RPS6KC1: variants seen among roughly 807,000 people sequenced by gnomAD.
RPS6KC1 encodes the protein ribosomal protein S6 kinase C1.
A neutral mutation model predicts 103.8 loss-of-function variants in RPS6KC1; 54 were observed. The ratio of observed to expected loss-of-function variants is 0.52; its 90% CI spans 0.42 to 0.65. The LOEUF is 0.65. Among genes scored for constraint, RPS6KC1 ranks in the 30% least tolerant of loss-of-function variants. RPS6KC1 has a pLI of 0.00. For missense variants in RPS6KC1, 1,151 were observed against 1,253.8 expected (o/e 0.92, Z 1.24); for synonymous variants, 439 against 438.7 (o/e 1.00, Z -0.01).
chr1:213,737,364 C>T, the RPS6KC1 span, among the ~76,000 whole-genome samples: 2 of 152,162 alleles, frequency 1.3e-5, no homozygotes, highest in Non-Finnish European at 2.9e-5. Flanking sequence ...CTAGAACATA[C>T]TCACCATGAC....
At chr1:213,580,819 C>T in the RPS6KC1 span, among the ~76,000 whole-genome samples, 1 of 151,548 alleles carries the variant, frequency 6.6e-6, no homozygotes, top group African/African-American at 2.4e-5. Context: ...TTTTTTAAGA[C>T]AAAATGCTAT....
chr1:213,810,944 A>G, the RPS6KC1 span, among the ~76,000 whole-genome samples: 1 of 152,238 alleles, frequency 6.6e-6, no homozygotes, highest in Admixed American at 6.5e-5. Context: ...GTGGCATCTC[A>G]TAGGAAATGG....
chr1:213,821,315 C>T, the RPS6KC1 span: 1 of 152,288 alleles, frequency 6.6e-6, no homozygotes, highest in Non-Finnish European at 1.5e-5. Context: ...CGTGGAAGAA[C>T]ATCTAGGGTG....
the RPS6KC1 span, among the ~76,000 whole-genome samples, chr1:213,625,087 A>T: frequency 6.6e-6 from 1 of 152,042 alleles, no homozygotes; most frequent in African/African-American, 2.4e-5. Flanking sequence ...GGTTCAAGCG[A>T]TTCTCCTACC....
At chr1:213,727,153 T>A in the RPS6KC1 span, among the ~76,000 whole-genome samples, 1 of 152,190 alleles carries the variant, frequency 6.6e-6, no homozygotes, top group Admixed American at 6.5e-5. Context: ...AGAATATGAA[T>A]GAGTGGATGC....
At chr1:213,366,326 G>A in the RPS6KC1 span, among the ~76,000 whole-genome samples, 1 of 152,196 alleles carries the variant, frequency 6.6e-6, no homozygotes. Context: ...ACTGTAAACT[G>A]TAAACCACCA....
chr1:213,249,967 A>G (rs1339182237), intron 12 of RPS6KC1, among the ~76,000 whole-genome samples: 1 of 152,194 alleles, frequency 6.6e-6, no homozygotes, highest in Admixed American at 6.5e-5. Context: ...TCACCACGAC[A>G]ACAAGAAATT....
the RPS6KC1 span, chr1:213,839,622 T>A: frequency 6.6e-6 from 1 of 152,312 alleles, no homozygotes. Context: ...TCATTCCTCC[T>A]GCAGGGTCAG....
the RPS6KC1 span, chr1:213,837,331 A>G: frequency 3.3e-5 from 5 of 152,266 alleles, no homozygotes; most frequent in African/African-American, 1.2e-4. Flanking sequence ...TGTTCTCTCT[A>G]TAAAAATTTA....
the RPS6KC1 span, among the ~76,000 whole-genome samples, chr1:213,813,230 A>G: frequency 2.6e-5 from 4 of 152,112 alleles, no homozygotes; most frequent in South Asian, 6.3e-4. Context: ...TAGCCTGGGC[A>G]AAAGAGCGAG....
At chr1:213,739,871 A>T in the RPS6KC1 span, among the ~76,000 whole-genome samples, 7 of 152,198 alleles carry the variant, frequency 4.6e-5, no homozygotes, top group Non-Finnish European at 7.3e-5. Context: ...GTTTCTTAAG[A>T]ATATATTCTA....
At position 213,167,916 on chromosome 1, in the gene RPS6KC1, GC is replaced by G. The variant is rs773204726; in HGVS notation, c.895del (p.Arg299GlyfsTer24). ...AGAGAAGAACAGCCGAGTACCTCAT[GC>G]GGGCAGAAAGTATCTCTAGTCTTTA... ...VKRRTAEYLM[R>X]AESISSLYGK... On this transcript the variant is annotated frameshift_variant, in exon 7 of 15. Coordinates refer to ENST00000366960, the MANE Select transcript of RPS6KC1 (RefSeq NM_012424.6). LOFTEE classifies it high-confidence loss of function. 8 of 1,613,844 alleles carry G rather than the reference GC, an allele frequency of 5.0e-6. No individual in the cohort carries two copies. The Admixed American group carries it at 1.2e-4, about 24-fold the overall frequency.
the RPS6KC1 span, among the ~76,000 whole-genome samples, chr1:213,538,000 C>G: frequency 6.6e-6 from 1 of 152,098 alleles, no homozygotes; most frequent in Non-Finnish European, 1.5e-5. Flanking sequence ...GGGGTGGATC[C>G]ATCTGAAGCA....
At chr1:213,783,332 C>T in the RPS6KC1 span, among the ~76,000 whole-genome samples, 1 of 152,160 alleles carries the variant, frequency 6.6e-6, no homozygotes, top group Non-Finnish European at 1.5e-5. Context: ...ACCTAAGCTG[C>T]GTCCTTCCTT....
At chr1:213,534,584 G>A in the RPS6KC1 span, among the ~76,000 whole-genome samples, 142 of 152,254 alleles carry the variant, frequency 9.3e-4, no homozygotes, top group African/African-American at 3.3e-3. Flanking sequence ...TAGCAATGGG[G>A]CCCAGAACTC....
the RPS6KC1 span, among the ~76,000 whole-genome samples, chr1:213,442,959 T>G: frequency 2.2e-5 from 3 of 138,368 alleles, no homozygotes; most frequent in South Asian, 2.3e-4. Flanking sequence ...TTTCTCAGGG[T>G]TTTTTTTTTT....
the RPS6KC1 span, among the ~76,000 whole-genome samples, chr1:213,606,436 C>T: frequency 6.6e-6 from 1 of 152,144 alleles, no homozygotes; most frequent in Admixed American, 6.5e-5. Flanking sequence ...GCAAACTGCT[C>T]CAAACAGGCT....
chr1:213,054,048 C>G (rs938614605), intron 1 of RPS6KC1, among the ~76,000 whole-genome samples: 1 of 152,068 alleles, frequency 6.6e-6, no homozygotes, highest in Non-Finnish European at 1.5e-5. Flanking sequence ...GTTGTCCAGT[C>G]TGGTCTCGAA....
chr1:213,755,201 GT>G, the RPS6KC1 span, among the ~76,000 whole-genome samples: 2 of 152,138 alleles, frequency 1.3e-5, no homozygotes, highest in African/African-American at 2.4e-5. Context: ...TCAATATAAT[GT>G]ATTTAGATTG....
Sources: gnomAD v4.1 joint callset for allele counts (sites outside exome capture counted in the v4.1 genomes callset) on GRCh38, gnomAD v4.1.1 for gene constraint, MANE v1.5 for transcripts, NCBI Gene and HGNC (gene_info 2026-07-23, HGNC 2026-07-21) for gene names.